Variants in NCAPD3 observed in about 807,000 individuals in gnomAD.
NCAPD3 encodes non-SMC condensin II complex subunit D3, also known as condensin-2 complex subunit D3.
In NCAPD3, 105 loss-of-function variants were observed where a neutral mutation model predicts 182.9. The ratio of observed to expected loss-of-function variants is 0.57; its 90% CI spans 0.49 to 0.68. The LOEUF (loss-of-function observed/expected upper bound fraction) is 0.68, where lower values mean the gene tolerates loss of function less well. Among genes scored for constraint, NCAPD3 ranks in the 30% least tolerant of loss-of-function variants. The pLI, the probability that NCAPD3 is intolerant of heterozygous loss-of-function variation, is 0.00. For missense variants in NCAPD3, 1,944 were observed against 1,837.0 expected, an observed-to-expected ratio of 1.06 and a Z score of -1.07; for synonymous variants, 815 against 679.9, an observed-to-expected ratio of 1.20 and a Z score of -3.09.
At chr11:134,196,655 A>T (rs1032956111) in intron 13 of NCAPD3, among the ~76,000 whole-genome samples, 9 of 151,480 alleles carry the variant, frequency 5.9e-5, no homozygotes, top group Admixed American at 4.6e-4. Flanking sequence ...CAAAAAAAAA[A>T]AAAAAAAGAA....
At position 134,168,109 on chromosome 11, in the gene NCAPD3, TCTC is replaced by T; in HGVS notation, c.3457_3459del (p.Glu1153del). 6.2e-7 allele frequency: 1 copy of T among 1,614,136 alleles called. No homozygotes were observed. The highest frequency in any genetic ancestry group is 1.1e-5 in the South Asian group (1 of 91,088). ...TTAGATCTCATTGCCAAAAGCTTGA[TCTC>T]CTTTGAGCTGAGGACCTCAAACGTG... On this transcript the variant is annotated inframe_deletion, in exon 27 of 35. Transcript: ENST00000534548.
At chr11:134,153,441 T>A in intron 32 of NCAPD3, 78 bp from the exon 33 acceptor site, 1 of 1,430,468 alleles carries the variant, frequency 7.0e-7, no homozygotes, top group Non-Finnish European at 9.9e-7. Context: ...CCGTGGGACG[T>A]AGGCAGGGTG....
Position 134,150,210 on chromosome 11 carries a change from G to T in NCAPD3, c.*2734C>A, listed in dbSNP as rs1289745472. 1 of 152,246 alleles carries T rather than the reference G, an allele frequency of 6.6e-6. No homozygotes were observed. The highest frequency in any genetic ancestry group is 1.9e-4 in the East Asian group (1 of 5,192). The allele number at this position is 152,246 out of a possible 1,614,324, so 9.4% of individuals were successfully genotyped here. A position where few individuals can be genotyped will look rare whatever the true frequency, so the allele number is the denominator to read the frequency against. On this transcript the variant is annotated 3_prime_UTR_variant, in exon 35 of 35. Coordinates refer to ENST00000534548, the MANE Select transcript of NCAPD3 (RefSeq NM_015261.3). Reference sequence around the variant, plus strand: ...ACTGTCTACACATCAGACCATAGTTGCTTAGGAAACCTTTAAAAATTCCAG... The same window carrying T: ...ACTGTCTACACATCAGACCATAGTTTCTTAGGAAACCTTTAAAAATTCCAG...
intron 13 of NCAPD3, among the ~76,000 whole-genome samples, chr11:134,195,892 C>T (rs78085611): frequency 0.027 from 4,087 of 152,146 alleles, 199 homozygotes; most frequent in African/African-American, 0.093. Context: ...AATATACATT[C>T]GTGAGGAAAT....
chr11:134,156,909 C>T, intron 32 of NCAPD3, 109 bp downstream of exon 32: 1 of 955,372 alleles, frequency 1.0e-6, no homozygotes, highest in Non-Finnish European at 1.6e-6. Context: ...ATGGTTCTGA[C>T]CATCAGAACT....
chr11:134,199,501 C>CT (rs1215598648), intron 13 of NCAPD3, among the ~76,000 whole-genome samples: 1 of 134,770 alleles, frequency 7.4e-6, no homozygotes, highest in African/African-American at 4.0e-5. Context: ...TCAAACCATA[C>CT]TTTGAGTTTT....
At chr11:134,173,450 C>G (rs1420557471) in intron 24 of NCAPD3, 1 of 153,682 alleles carries the variant, frequency 6.5e-6, no homozygotes, top group African/African-American at 2.4e-5. Context: ...CTGCCCCTGG[C>G]CCACCCGGAC....
At chr11:134,215,256 A>C (rs1937972392) in intron 3 of NCAPD3, among the ~76,000 whole-genome samples, 1 of 152,226 alleles carries the variant, frequency 6.6e-6, no homozygotes. Flanking sequence ...TTTCCCCTTA[A>C]GATCAGGAAT....
chr11:134,163,482 G>A (rs563255962), intron 27 of NCAPD3, among the ~76,000 whole-genome samples: 1 of 151,986 alleles, frequency 6.6e-6, no homozygotes, highest in Non-Finnish European at 1.5e-5. Flanking sequence ...GGCAGATCAC[G>A]AGATCAGGAG....
At chr11:134,181,802 A>T (rs1944303283) in intron 19 of NCAPD3, among the ~76,000 whole-genome samples, 1 of 152,150 alleles carries the variant, frequency 6.6e-6, no homozygotes, top group South Asian at 2.1e-4. Flanking sequence ...AGGTTGAGCT[A>T]AGGGCCTCCA....
chr11:134,163,388 G>A (rs898786758), intron 27 of NCAPD3, among the ~76,000 whole-genome samples: 50 of 152,092 alleles, frequency 3.3e-4, no homozygotes, highest in African/African-American at 1.2e-3. Context: ...ATAATAAAAT[G>A]ATCAAATTTG....
chr11:134,175,002 C>T lies in NCAPD3; in HGVS notation c.3101+1305G>A, dbSNP rs529043053. On this transcript the variant is annotated intron_variant, in intron 24 of 34. Transcript: ENST00000534548. ...CCATGGTTTCAACAAACCCAGGATG[C>T]GGACATAAAAGGGATAGATTAAGGG... Among the ~76,000 whole-genome samples the T allele has an allele frequency of 1.2e-4, 18 of 152,184 alleles. No individual in the cohort carries two copies. The East Asian group carries it at 2.9e-3, about 25-fold the overall frequency.
At chr11:134,171,412 A>T (rs548978480) in intron 24 of NCAPD3, among the ~76,000 whole-genome samples, 10 of 152,318 alleles carry the variant, frequency 6.6e-5, no homozygotes, top group African/African-American at 2.4e-4. Flanking sequence ...TTTCAGCTTT[A>T]GTAGGAAACA....
intron 27 of NCAPD3, among the ~76,000 whole-genome samples, chr11:134,166,819 T>C (rs1378814801): frequency 1.1e-5 from 1 of 93,322 alleles, no homozygotes; most frequent in Non-Finnish European, 2.1e-5. Context: ...AGCTGCACAC[T>C]CACTTGTGAG....
intron 2 of NCAPD3, among the ~76,000 whole-genome samples, chr11:134,220,256 A>G (rs1353618681): frequency 6.6e-6 from 1 of 151,596 alleles, no homozygotes; most frequent in East Asian, 1.9e-4. Flanking sequence ...CCTGAGCTCA[A>G]GCAACTGGCC....
At chr11:134,219,085 C>CT (rs1471681320) in intron 2 of NCAPD3, among the ~76,000 whole-genome samples, 1 of 152,234 alleles carries the variant, frequency 6.6e-6, no homozygotes, top group East Asian at 1.9e-4. Flanking sequence ...TACCCTTACT[C>CT]TACCTTACCA....
chr11:134,157,830 TAAGAA>T (rs1486704459), intron 31 of NCAPD3, 93 bp downstream of exon 31: 5 of 1,313,142 alleles, frequency 3.8e-6, no homozygotes, highest in Middle Eastern at 1.9e-4. Flanking sequence ...GTTTTAAAGA[TAAGAA>T]AACACACCGC....
chr11:134,213,620 G>A (rs765333348), intron 3 of NCAPD3, among the ~76,000 whole-genome samples: 13 of 147,818 alleles, frequency 8.8e-5, no homozygotes, highest in South Asian at 2.1e-4. Flanking sequence ...GTGTGGCCTC[G>A]TCTCTCTTAA....
intron 1 of NCAPD3, among the ~76,000 whole-genome samples, chr11:134,221,822 T>A (rs1418550842): frequency 1.3e-5 from 2 of 152,210 alleles, no homozygotes; most frequent in African/African-American, 4.8e-5. Context: ...GGTCATCATC[T>A]TTTGTCACTT....
Sources: gnomAD v4.1 joint callset for allele counts (sites outside exome capture counted in the v4.1 genomes callset) on GRCh38, gnomAD v4.1.1 for gene constraint, MANE v1.5 for transcripts, NCBI Gene and HGNC (gene_info 2026-07-23, HGNC 2026-07-21) for gene names.